Variants in ERBB4 observed in about 807,000 individuals in gnomAD.
ERBB4 encodes the protein erb-b2 receptor tyrosine kinase 4.
Under a neutral mutation model 158.0 loss-of-function variants are expected in ERBB4, and 42 were observed. The observed-to-expected ratio is 0.27, with a 90% CI of 0.21 to 0.34. The LOEUF is 0.34. Ranked by LOEUF, ERBB4 falls within the 10% of genes least tolerant of loss-of-function variation. The pLI, the probability that ERBB4 is intolerant of heterozygous loss-of-function variation, is 1.00. For missense variants in ERBB4, 1,333 were observed against 1,624.1 expected (o/e 0.82, Z 3.08); for synonymous variants, 583 against 558.7 (o/e 1.04, Z -0.61).
intron 1 of ERBB4, among the ~76,000 whole-genome samples, chr2:212,394,769 A>T (rs1045839191): frequency 6.6e-6 from 1 of 152,284 alleles, no homozygotes; most frequent in Admixed American, 6.5e-5. Context: ...TGTAACATGA[A>T]TGAAGACATA....
At chr2:212,526,668 A>T (rs1266975527) in intron 1 of ERBB4, among the ~76,000 whole-genome samples, 1 of 119,644 alleles carries the variant, frequency 8.4e-6, no homozygotes. Context: ...ATTAGTTAAA[A>T]ATATTACCAA....
At chr2:212,481,795 T>G (rs913588026) in intron 1 of ERBB4, among the ~76,000 whole-genome samples, 1 of 152,176 alleles carries the variant, frequency 6.6e-6, no homozygotes, top group African/African-American at 2.4e-5. Flanking sequence ...TGCAAACCGT[T>G]GCAGAGCTGT....
intron 20 of ERBB4, among the ~76,000 whole-genome samples, chr2:211,518,160 T>C (rs1259538142): frequency 6.6e-6 from 1 of 152,072 alleles, no homozygotes; most frequent in Non-Finnish European, 1.5e-5. Flanking sequence ...ACTATGTAAC[T>C]TCTAGGTGTC....
At chr2:212,292,891 A>G (rs960344325) in intron 1 of ERBB4, among the ~76,000 whole-genome samples, 4 of 152,076 alleles carry the variant, frequency 2.6e-5, no homozygotes, top group Non-Finnish European at 5.9e-5. Context: ...TTTCTATTTC[A>G]GTTTTCAAAT....
intron 2 of ERBB4, among the ~76,000 whole-genome samples, chr2:211,978,342 C>G (rs1025444589): frequency 4.0e-5 from 6 of 151,546 alleles, no homozygotes; most frequent in Non-Finnish European, 8.8e-5. Context: ...GAAGGTGGAG[C>G]CAGAAAGTGA....
At chr2:211,685,758 T>C (rs957237073) in intron 12 of ERBB4, among the ~76,000 whole-genome samples, 9 of 152,194 alleles carry the variant, frequency 5.9e-5, no homozygotes, top group African/African-American at 2.2e-4. Flanking sequence ...AGGAACACAG[T>C]AGGCTTTTGC....
At chr2:211,476,256 TG>T (rs766205546) in intron 20 of ERBB4, among the ~76,000 whole-genome samples, 66 of 152,086 alleles carry the variant, frequency 4.3e-4, no homozygotes, top group Non-Finnish European at 7.6e-4. Context: ...TTGGAATGTA[TG>T]AAACCTTTGT....
intron 4 of ERBB4, among the ~76,000 whole-genome samples, chr2:211,786,659 T>C (rs2076171510): frequency 6.6e-6 from 1 of 152,186 alleles, no homozygotes; most frequent in Admixed American, 6.5e-5. Flanking sequence ...CCTTTTGGCT[T>C]CTGTCTCAGG....
chr2:211,887,467 C>A (rs2078835340), intron 3 of ERBB4, among the ~76,000 whole-genome samples: 1 of 152,144 alleles, frequency 6.6e-6, no homozygotes. Flanking sequence ...ATTTCATTCA[C>A]CTCCTCAAAA....
intron 2 of ERBB4, among the ~76,000 whole-genome samples, chr2:212,082,951 T>C (rs2078490478): frequency 6.6e-6 from 1 of 151,964 alleles, no homozygotes; most frequent in African/African-American, 2.4e-5. Flanking sequence ...ATTTACATTA[T>C]AAATGAATAC....
intron 3 of ERBB4, among the ~76,000 whole-genome samples, chr2:211,866,308 C>T (rs2078204633): frequency 6.6e-6 from 1 of 152,136 alleles, no homozygotes; most frequent in African/African-American, 2.4e-5. Context: ...GGGTTCCACT[C>T]TGAACTTATG....
At position 212,051,302 on chromosome 2, in the gene ERBB4, C is replaced by T. The variant is rs1026596946; in HGVS notation, c.234+73450G>A. 7.2e-5 allele frequency among the ~76,000 whole-genome samples: 11 copies of T among 151,850 alleles called. No homozygotes were observed. The East Asian group carries it at 2.1e-3, about 29-fold the overall frequency. On this transcript the variant is annotated intron_variant, in intron 2 of 27. Coordinates refer to ENST00000342788, the MANE Select transcript of ERBB4 (RefSeq NM_005235.3). ...TCTTTAAAATACTCTTTAAGTAATT[C>T]TTTTAAGTGCTTTAAGTATTAAATG...
chr2:211,814,075 A>T (rs1433636105), intron 3 of ERBB4, among the ~76,000 whole-genome samples: 1 of 152,190 alleles, frequency 6.6e-6, no homozygotes, highest in Non-Finnish European at 1.5e-5. Flanking sequence ...AAATATGGGA[A>T]TAATTTCATG....
At chr2:212,385,642 A>T (rs2090651443) in intron 1 of ERBB4, among the ~76,000 whole-genome samples, 1 of 151,840 alleles carries the variant, frequency 6.6e-6, no homozygotes. Context: ...TGCTGTTAAT[A>T]GTATAGATGC....
intron 1 of ERBB4, among the ~76,000 whole-genome samples, chr2:212,219,269 T>C (rs2083207993): frequency 6.6e-6 from 1 of 151,412 alleles, no homozygotes; most frequent in Non-Finnish European, 1.5e-5. Flanking sequence ...TTCTGAAAAG[T>C]ATACACATAT....
chr2:211,615,316 C>A (rs931743887), intron 19 of ERBB4, among the ~76,000 whole-genome samples: 25 of 151,458 alleles, frequency 1.7e-4, no homozygotes, highest in African/African-American at 5.3e-4. Flanking sequence ...ATGTGTTCTG[C>A]ACCATTTTGT....
intron 1 of ERBB4, among the ~76,000 whole-genome samples, chr2:212,331,502 T>C (rs1560038714): frequency 6.6e-6 from 1 of 151,952 alleles, no homozygotes; most frequent in Admixed American, 6.6e-5. Flanking sequence ...CTTCAGTTTT[T>C]ATATCATAAA....
chr2:211,890,501 T>C (rs1448885688), intron 3 of ERBB4, among the ~76,000 whole-genome samples: 1 of 151,264 alleles, frequency 6.6e-6, no homozygotes, highest in African/African-American at 2.4e-5. Flanking sequence ...CATCAACTAA[T>C]GAGCAAAATC....
At chr2:212,246,604 G>T (rs2084319207) in intron 1 of ERBB4, among the ~76,000 whole-genome samples, 1 of 152,144 alleles carries the variant, frequency 6.6e-6, no homozygotes, top group Non-Finnish European at 1.5e-5. Context: ...GAAAGATGTA[G>T]CTTAAAAATA....
Sources: allele counts gnomAD v4.1 joint callset (sites outside exome capture counted in the v4.1 genomes callset), GRCh38; gene constraint gnomAD v4.1.1; transcripts MANE v1.5; gene names NCBI Gene and HGNC (gene_info 2026-07-23, HGNC 2026-07-21).